Variants in FBXO47 observed in about 807,000 individuals in gnomAD.
FBXO47 encodes F-box only protein 47.
FBXO47 carries 34 observed loss-of-function variants against 53.9 expected under a neutral mutation model. That is an observed-to-expected ratio of 0.63 (90% CI 0.48 to 0.84). FBXO47 has a LOEUF of 0.84. Among genes scored for constraint, FBXO47 ranks in the 40% least tolerant of loss-of-function variants. The pLI is 0.00. For missense variants in FBXO47, 485 were observed against 541.3 expected (o/e 0.90, Z 1.03); for synonymous variants, 165 against 181.6 (o/e 0.91, Z 0.73).
chr17:38,938,357 A>G (rs1221670106), intron 10 of FBXO47, among the ~76,000 whole-genome samples: 1 of 152,208 alleles, frequency 6.6e-6, no homozygotes, highest in Admixed American at 6.5e-5. Context: ...AGATTTTTAA[A>G]GTGACGAAAG....
intron 1 of FBXO47, 48 bp from the exon 2 acceptor site, chr17:38,963,099 A>G: frequency 1.6e-6 from 2 of 1,215,644 alleles, no homozygotes; most frequent in South Asian, 2.9e-5. Context: ...AGGAAATTAA[A>G]GCAAGAAAGA....
rs539234734 is a variant in FBXO47 at position 38,957,990 on chromosome 17, C to A, written c.353-737G>T. Among the ~76,000 whole-genome samples the A allele has an allele frequency of 5.3e-5, 8 of 152,106 alleles. No homozygotes were observed. The South Asian group carries it at 1.2e-3, about 24-fold the overall frequency. On this transcript the variant is annotated intron_variant, in intron 3 of 10. Transcript: ENST00000378079. The stretch of plus-strand genomic sequence containing the variant: ...CTGGGACTACAAGTGCACACCACCA[C>A]GCCCAGCTAATTTATGTATTTTTAG...
rs1213285928 is a variant in FBXO47, at chr17:38,936,458, CTT to C, written c.*715_*716del. On this transcript the variant is annotated 3_prime_UTR_variant, in exon 11 of 11. Coordinates refer to ENST00000378079, the MANE Select transcript of FBXO47 (RefSeq NM_001008777.3). ...CTATTTTCTTTCATTTTATTTTTCT[CTT>C]ATTTGCTACATTTTATTTGAATCCC... 1.3e-5 allele frequency: 2 copies of C among 152,002 alleles called. No individual in the cohort carries two copies. Among genetic ancestry groups the C allele is most frequent in the Non-Finnish European group, 1.5e-5 (1 of 68,006 alleles). 9.4% of individuals were successfully genotyped at this position (152,002 alleles called of 1,614,324 possible).
At chr17:38,961,446 T>TA (rs1388593187) in intron 3 of FBXO47, among the ~76,000 whole-genome samples, 2 of 152,196 alleles carry the variant, frequency 1.3e-5, no homozygotes, top group Non-Finnish European at 2.9e-5. Flanking sequence ...TAAATGTACT[T>TA]AAAAAACCGT....
At chr17:38,962,669 C>T (rs995073045) in intron 2 of FBXO47, among the ~76,000 whole-genome samples, 176 bp downstream of exon 2, 21 of 149,864 alleles carry the variant, frequency 1.4e-4, no homozygotes, top group African/African-American at 4.9e-4. Flanking sequence ...AAGTATTGTG[C>T]TTTCTCATTG....
chr17:38,938,844 T>C (rs1904367945), intron 9 of FBXO47, 112 bp from the exon 10 acceptor site: 2 of 837,632 alleles, frequency 2.4e-6, no homozygotes, highest in Admixed American at 2.4e-5. Context: ...TAATTTATGA[T>C]ACCTGACACC....
At chr17:38,961,256 G>A (rs1207318363) in intron 3 of FBXO47, among the ~76,000 whole-genome samples, 1 of 152,032 alleles carries the variant, frequency 6.6e-6, no homozygotes, top group East Asian at 1.9e-4. Flanking sequence ...ATTATAAAGT[G>A]GTTTCATAAT....
chr17:38,952,807 A>C (rs1039803422), intron 5 of FBXO47, among the ~76,000 whole-genome samples: 1 of 134,110 alleles, frequency 7.5e-6, no homozygotes, highest in African/African-American at 2.8e-5. Flanking sequence ...CTGAGCATTT[A>C]TTTATGACTT....
rs1330935345 is a variant in FBXO47 at position 38,944,949 on chromosome 17, T to C, written c.793+11A>G. On this transcript the variant is annotated intron_variant, in intron 7 of 10. Coordinates refer to ENST00000378079, the MANE Select transcript of FBXO47 (RefSeq NM_001008777.3). ...CCAGTTATGTTACAACCCTGAAAGA[T>C]GGGTGCTCACCATCTTGAGGAGATA... is the stretch of plus-strand genomic sequence containing the variant. 1 of 1,610,524 alleles carries C rather than the reference T, an allele frequency of 6.2e-7. No individual in the cohort carries two copies. Among genetic ancestry groups the C allele is most frequent in the Non-Finnish European group, 8.5e-7 (1 of 1,177,550 alleles).
At chr17:38,944,757 G>A (rs974884718) in intron 7 of FBXO47, among the ~76,000 whole-genome samples, 2 of 151,228 alleles carry the variant, frequency 1.3e-5, no homozygotes, top group African/African-American at 4.9e-5. Context: ...TGCAGTCCCA[G>A]CTACTTGGGA....
chr17:38,946,467 AAT>A (rs1369494600), intron 6 of FBXO47, among the ~76,000 whole-genome samples: 17 of 72,004 alleles, frequency 2.4e-4, no homozygotes, highest in South Asian at 5.8e-4. Flanking sequence ...AATATATATG[AAT>A]ATATATAACT....
At chr17:38,952,285 G>C (rs1905333988) in intron 5 of FBXO47, among the ~76,000 whole-genome samples, 1 of 152,080 alleles carries the variant, frequency 6.6e-6, no homozygotes, top group Non-Finnish European at 1.5e-5. Flanking sequence ...TTGCGCCACT[G>C]CACTCCAACC....
At chr17:38,939,323 A>AAAAATATATATATATATATAT (rs1555559726) in intron 9 of FBXO47, among the ~76,000 whole-genome samples, 1 of 50,178 alleles carries the variant, frequency 2.0e-5, no homozygotes, top group African/African-American at 7.5e-5. Context: ...AAAAAAAAAA[A>AAAAATATATATATATATATAT]ATATATATAT....
intron 6 of FBXO47, among the ~76,000 whole-genome samples, chr17:38,947,045 T>C (rs1567717627): frequency 7.6e-6 from 1 of 131,592 alleles, no homozygotes; most frequent in Non-Finnish European, 1.5e-5. Context: ...TATGTAAATA[T>C]ATAAAAACAT....
At chr17:38,964,181 C>T (rs1004564684) in intron 1 of FBXO47, among the ~76,000 whole-genome samples, 2 of 152,032 alleles carry the variant, frequency 1.3e-5, no homozygotes, top group African/African-American at 4.8e-5. Context: ...AGCTACTGGC[C>T]GAGTGACGTG....
chr17:38,962,339 G>A (rs1209946500), intron 2 of FBXO47, among the ~76,000 whole-genome samples: 1 of 152,166 alleles, frequency 6.6e-6, no homozygotes, highest in Non-Finnish European at 1.5e-5. Context: ...TTTAGGGCTA[G>A]GTGCAGTGAC....
intron 9 of FBXO47, 124 bp from the exon 10 acceptor site, chr17:38,938,856 T>C (rs1904368232): frequency 1.4e-6 from 1 of 735,186 alleles, no homozygotes; most frequent in Non-Finnish European, 2.1e-6. Flanking sequence ...CCTGACACCA[T>C]ACTGAGTCTA....
intron 1 of FBXO47, among the ~76,000 whole-genome samples, chr17:38,964,288 C>T (rs989982928): frequency 1.3e-5 from 2 of 151,914 alleles, no homozygotes; most frequent in Middle Eastern, 3.4e-3. Context: ...GGTGAAACCC[C>T]GTCTCTACTA....
intron 3 of FBXO47, among the ~76,000 whole-genome samples, chr17:38,961,090 A>C (rs1209844046): frequency 6.6e-6 from 1 of 152,184 alleles, no homozygotes; most frequent in Admixed American, 6.5e-5. Context: ...GTAATCATCA[A>C]ATACATTTTG....
Sources: gnomAD v4.1 joint callset for allele counts (sites outside exome capture counted in the v4.1 genomes callset) on GRCh38, gnomAD v4.1.1 for gene constraint, MANE v1.5 for transcripts, NCBI Gene and HGNC (gene_info 2026-07-23, HGNC 2026-07-21) for gene names.